The following STRADA variants were observed in gnomAD, a reference collection of about 807,000 sequenced individuals.
STRADA encodes STE20 related adaptor alpha, also known as STE20-related kinase adapter protein alpha.
STRADA carries 26 observed loss-of-function variants against 55.0 expected under a neutral mutation model. That is an observed-to-expected ratio of 0.47 (90% CI 0.35 to 0.66). The LOEUF is 0.66. Among genes scored for constraint, STRADA ranks in the 30% least tolerant of loss-of-function variants. The pLI, the probability that STRADA is intolerant of heterozygous loss-of-function variation, is 0.01. For missense variants in STRADA, 443 were observed against 549.7 expected, an observed-to-expected ratio of 0.81 and a Z score of 1.94; for synonymous variants, 197 against 210.9, an observed-to-expected ratio of 0.93 and a Z score of 0.57.
At position 63,740,107 on chromosome 17, in the gene STRADA, T is replaced by TACACAC. The variant is rs1555712215; in HGVS notation, c.-45+1633_-45+1634insGTGTGT. Reference sequence around the variant, plus strand: ...AACACTATATATATATATATATATATACATACATACATATATATATACACA... The same window carrying TACACAC: ...AACACTATATATATATATATATATATACACACACATACATACATATATATATACACA... On this transcript the variant is annotated intron_variant, in intron 1 of 12. Transcript: ENST00000336174. Among the ~76,000 whole-genome samples, 2 of 49,648 alleles carry TACACAC rather than the reference T, an allele frequency of 4.0e-5. 1 individual carries two copies. Among genetic ancestry groups the TACACAC allele is most frequent in the Non-Finnish European group, 7.4e-5 (2 of 27,030 alleles). The allele number at this position is 49,648 out of a possible 152,430, so 32.6% of individuals were successfully genotyped here. A position where few individuals can be genotyped will look rare whatever the true frequency, so the allele number is the denominator to read the frequency against.
chr17:63,731,684 G>A (rs2038066979), intron 1 of STRADA, among the ~76,000 whole-genome samples: 1 of 152,032 alleles, frequency 6.6e-6, no homozygotes, highest in Non-Finnish European at 1.5e-5. Context: ...ATATTTAATA[G>A]TATTAAACAC....
chr17:63,707,584 A>G, intron 8 of STRADA, 166 bp from the exon 9 acceptor site: 1 of 660,410 alleles, frequency 1.5e-6, no homozygotes, highest in Non-Finnish European at 2.5e-6. Context: ...CATTGAGATA[A>G]GAGTCTCACT....
chr17:63,724,991 T>G (rs549567700), intron 3 of STRADA, among the ~76,000 whole-genome samples: 2 of 152,078 alleles, frequency 1.3e-5, no homozygotes, highest in South Asian at 4.2e-4. Context: ...GTTTGAGTTT[T>G]CAATTACTTA....
At chr17:63,704,614 AGCGG>A in intron 10 of STRADA, 32 bp from the exon 11 acceptor site, 1 of 559,798 alleles carries the variant, frequency 1.8e-6, no homozygotes, top group South Asian at 5.2e-5. Context: ...CCTGGGCTGT[AGCGG>A]GTGGGGGGGG....
Position 63,704,494 on chromosome 17 carries a change from C to T in STRADA, c.947G>A (p.Arg316His), listed in dbSNP as rs1305201887. ...ACTCAGGCCAGAGTTGGCCACTGAG[C>T]GCGAAGGGCTCATGGTCAGCTCCTC... Reference protein sequence around the residue: ...PAEELTMSPSRSVANSGLSDS... With the variant: ...PAEELTMSPSHSVANSGLSDS... Residue 316 changes from arginine to histidine, a missense_variant, in exon 11 of 13, where the codon CGC becomes CAC. By Grantham distance (29) the Arg-to-His change is conservative. Coordinates refer to ENST00000336174, the MANE Select transcript of STRADA (RefSeq NM_001003787.4). 1.7e-5 allele frequency: 27 copies of T among 1,611,906 alleles called. No homozygotes were observed. The highest frequency in any genetic ancestry group is 1.7e-5 in the Non-Finnish European group (20 of 1,179,156).
At chr17:63,710,395 C>G (rs555758307) in intron 8 of STRADA, 96 bp downstream of exon 8, 1 of 1,558,952 alleles carries the variant, frequency 6.4e-7, no homozygotes, top group East Asian at 2.3e-5. Context: ...ATTTTAAACT[C>G]TGGCTTCATT....
chr17:63,718,289 C>T (rs2037041080), intron 4 of STRADA, among the ~76,000 whole-genome samples: 1 of 152,158 alleles, frequency 6.6e-6, no homozygotes, highest in African/African-American at 2.4e-5. Flanking sequence ...CTGGTTACCA[C>T]ATGCCAGGTA....
chr17:63,711,529 T>A (rs1008238301), intron 6 of STRADA, among the ~76,000 whole-genome samples: 1 of 152,076 alleles, frequency 6.6e-6, no homozygotes, highest in Non-Finnish European at 1.5e-5. Context: ...TTTTTATATT[T>A]TTTTGTAGAG....
intron 1 of STRADA, among the ~76,000 whole-genome samples, chr17:63,739,951 C>T (rs1401301562): frequency 6.8e-6 from 1 of 147,470 alleles, no homozygotes; most frequent in Non-Finnish European, 1.5e-5. Flanking sequence ...GGCAGTGCAC[C>T]AGGCACCCCG....
chr17:63,722,352 C>T (rs1185472302), intron 4 of STRADA, among the ~76,000 whole-genome samples: 1 of 152,232 alleles, frequency 6.6e-6, no homozygotes, highest in Non-Finnish European at 1.5e-5. Context: ...CATTCAACTT[C>T]CCACAGGTTT....
intron 4 of STRADA, among the ~76,000 whole-genome samples, chr17:63,721,148 C>A (rs545752741): frequency 6.7e-6 from 1 of 150,250 alleles, no homozygotes; most frequent in Non-Finnish European, 1.5e-5. Flanking sequence ...CCGAGGCAGG[C>A]GGATCACAAG....
rs1309095081 is a variant in STRADA, at chr17:63,740,107, T to TATATATATATATATATAC, written c.-45+1633_-45+1634insGTATATATATATATATAT. On this transcript the variant is annotated intron_variant, in intron 1 of 12. Transcript: ENST00000336174. The stretch of plus-strand genomic sequence containing the variant: ...AACACTATATATATATATATATATA[T>TATATATATATATATATAC]ACATACATACATATATATATACACA... Among the ~76,000 whole-genome samples the TATATATATATATATATAC allele has an allele frequency of 8.8e-3, 437 of 49,626 alleles. 49 individuals are homozygous for TATATATATATATATATAC. Among genetic ancestry groups the TATATATATATATATATAC allele is most frequent in the East Asian group, 0.017 (25 of 1,502 alleles). The allele number at this position is 49,626 out of a possible 152,430, so 32.6% of individuals were successfully genotyped here.
At position 63,713,412 on chromosome 17, in the gene STRADA, G is replaced by A. The variant is rs1326920481; in HGVS notation, c.342C>T (p.Phe114=). The A allele has an allele frequency of 6.2e-7, 1 of 1,613,746 alleles. No individual in the cohort carries two copies. Among genetic ancestry groups the A allele is most frequent in the African/African-American group, 1.3e-5 (1 of 75,006 alleles). Residue 114 remains phenylalanine, a synonymous_variant, in exon 6 of 13, where the codon TTC becomes TTT. Coordinates refer to ENST00000336174, the MANE Select transcript of STRADA (RefSeq NM_001003787.4). The part of the protein sequence containing the change: ...LEACSNEMVT[F]LQGELHVSKL... ...CACACTCATGGTTTATTACCTGCAA[G>A]AATGTTACCATCTCATTGGAACAAG...
At position 63,728,333 on chromosome 17, in the gene STRADA, C is replaced by T. The variant is rs1185962534; in HGVS notation, c.36+1G>A. ...AGCCAGAAGAATAGAAAAACACTCACCCTGATTCGCTCTGGTTTACTTACA... is the reference window on the plus strand; with the variant it reads ...AGCCAGAAGAATAGAAAAACACTCATCCTGATTCGCTCTGGTTTACTTACA... On this transcript the variant is annotated splice_donor_variant, in intron 2 of 12. Coordinates refer to ENST00000336174, the MANE Select transcript of STRADA (RefSeq NM_001003787.4). LOFTEE classifies it high-confidence loss of function. 2.5e-6 allele frequency: 4 copies of T among 1,613,240 alleles called. No individual in the cohort carries two copies. The highest frequency in any genetic ancestry group is 3.4e-6 in the Non-Finnish European group (4 of 1,179,758).
At chr17:63,729,841 C>CTT (rs1253752753) in intron 1 of STRADA, among the ~76,000 whole-genome samples, 1 of 142,952 alleles carries the variant, frequency 7.0e-6, no homozygotes, top group Non-Finnish European at 1.5e-5. Flanking sequence ...TTTCCTTTTC[C>CTT]TTTTTTTTTT....
intron 4 of STRADA, among the ~76,000 whole-genome samples, chr17:63,722,245 C>G (rs762483896): frequency 2.6e-4 from 40 of 152,128 alleles, no homozygotes; most frequent in Non-Finnish European, 2.5e-4. Context: ...CAGCTGATAT[C>G]CAGAAATGAC....
chr17:63,713,000 C>CAA (rs5821401), intron 6 of STRADA, among the ~76,000 whole-genome samples: 3,851 of 125,322 alleles, frequency 0.031, 203 homozygotes, highest in African/African-American at 0.1. Flanking sequence ...GAATCCGTCT[C>CAA]AAAAAAAAAA....
intron 1 of STRADA, among the ~76,000 whole-genome samples, chr17:63,739,634 ATATG>A (rs2038712980): frequency 2.7e-5 from 4 of 150,926 alleles, no homozygotes; most frequent in Admixed American, 6.6e-5. Context: ...TAAGAAATAC[ATATG>A]TATGTGTATA....
Position 63,714,076 on chromosome 17 carries a change from G to C in STRADA, c.156C>G (p.Ser52=), listed in dbSNP as rs368885273. Residue 52 remains serine (S), a synonymous_variant, in exon 5 of 13, where the codon TCC becomes TCG. Transcript: ENST00000336174. The part of the protein sequence containing the change: ...TNDASSESIA[S]FSKQEVMSSF... ...TACTCATGACCTCCTGTTTAGAGAA[G>C]GATGCTATTGACTCTGAGCTCGCAT... 5.1e-5 allele frequency: 83 copies of C among 1,613,758 alleles called. No homozygotes were observed. Among genetic ancestry groups the C allele is most frequent in the Non-Finnish European group, 6.4e-5 (75 of 1,179,876 alleles).
Sources: allele counts gnomAD v4.1 joint callset (sites outside exome capture counted in the v4.1 genomes callset), GRCh38; gene constraint gnomAD v4.1.1; transcripts MANE v1.5; gene names NCBI Gene and HGNC (gene_info 2026-07-23, HGNC 2026-07-21).